GABRA3: variants seen among roughly 807,000 people sequenced by gnomAD.
The protein encoded by GABRA3 is gamma-aminobutyric acid type A receptor subunit alpha3.
Under a neutral mutation model 30.1 loss-of-function variants are expected in GABRA3, and 10 were observed. That is an observed-to-expected ratio of 0.33 (90% confidence interval 0.20 to 0.56). The LOEUF (loss-of-function observed/expected upper bound fraction) is 0.56, where lower values mean the gene tolerates loss of function less well. GABRA3 is among the 20% of genes least tolerant of loss of function. GABRA3 has a pLI of 0.89. For synonymous variants in GABRA3, 151 were observed against 146.8 expected (o/e 1.03, Z -0.21); for missense variants, 233 against 392.0 (o/e 0.59, Z 3.42).
At chrX:152,385,995 G>A (rs1929297215) in intron 1 of GABRA3, among the ~76,000 whole-genome samples, 1 of 110,093 alleles carries the variant, frequency 9.1e-6, no homozygotes, top group African/African-American at 3.3e-5. Context: ...GGTTACTGTA[G>A]CCTTGTAGTA....
intron 8 of GABRA3, among the ~76,000 whole-genome samples, chrX:152,190,871 A>AAT (rs59438630): frequency 0.063 from 6,637 of 104,962 alleles, 243 homozygotes; most frequent in Admixed American, 0.17. Context: ...TATGCATGTG[A>AAT]ATATATATAT....
intron 8 of GABRA3, among the ~76,000 whole-genome samples, chrX:152,191,904 G>C (rs1290116448): frequency 9.0e-6 from 1 of 111,644 alleles, no homozygotes; most frequent in Non-Finnish European, 1.9e-5. Context: ...CAAACTCTCT[G>C]AATCTGTAAC....
chrX:152,274,198 C>CA (rs768920024), intron 4 of GABRA3, among the ~76,000 whole-genome samples: 11 of 111,349 alleles, frequency 9.9e-5, no homozygotes, highest in African/African-American at 3.6e-4. Flanking sequence ...ATATCTACTG[C>CA]AAAAAATTGA....
rs749221449 is a variant in GABRA3, at chrX:152,439,954, T to C, written c.-27+11192A>G. On this transcript the variant is annotated intron_variant, in intron 1 of 9. Coordinates refer to ENST00000370314, the MANE Select transcript of GABRA3 (RefSeq NM_000808.4). ...AACCTAGGCAATACCATTCAGAACA[T>C]AGGCATGGGCAAAGACTTCATGTCT... Among the ~76,000 whole-genome samples, 4 of 111,514 alleles carry C rather than the reference T, an allele frequency of 3.6e-5. No individual in the cohort carries two copies. In the South Asian group the frequency reaches 1.5e-3, roughly 42 times the overall value.
chrX:152,431,397 G>A (rs28868684), intron 1 of GABRA3, among the ~76,000 whole-genome samples: 11,840 of 112,096 alleles, frequency 0.11, 589 homozygotes, highest in Non-Finnish European at 0.15. Context: ...CTGGAAGAGA[G>A]TTTGAGCTTG....
At chrX:152,222,539 T>C (rs767145680) in intron 6 of GABRA3, among the ~76,000 whole-genome samples, 14 of 109,137 alleles carry the variant, frequency 1.3e-4, no homozygotes. Context: ...CACCTGTAGG[T>C]CTGTTTATAT....
chrX:152,446,177 T>C (rs1931081649), intron 1 of GABRA3, among the ~76,000 whole-genome samples: 1 of 112,072 alleles, frequency 8.9e-6, no homozygotes, highest in Non-Finnish European at 1.9e-5. Flanking sequence ...GGAAGGACTG[T>C]TATAAACCAG....
chrX:152,429,692 G>A (rs912025498), intron 1 of GABRA3, among the ~76,000 whole-genome samples: 10 of 111,430 alleles, frequency 9.0e-5, no homozygotes, highest in Non-Finnish European at 1.9e-4. Context: ...CATCAATCTG[G>A]CAACCACAAC....
At chrX:152,206,992 G>C (rs1937554656) in intron 7 of GABRA3, among the ~76,000 whole-genome samples, 1 of 110,577 alleles carries the variant, frequency 9.0e-6, no homozygotes, top group Non-Finnish European at 1.9e-5. Context: ...CTGGACTTTC[G>C]ACATCTCAGT....
intron 5 of GABRA3, among the ~76,000 whole-genome samples, chrX:152,232,193 C>T (rs1310367458): frequency 1.8e-5 from 2 of 111,003 alleles, no homozygotes; most frequent in Non-Finnish European, 3.8e-5. Context: ...TCAATATCAG[C>T]CTTATAGCAC....
intron 8 of GABRA3, among the ~76,000 whole-genome samples, chrX:152,193,558 A>G (rs767983456): frequency 1.8e-5 from 2 of 112,557 alleles, no homozygotes; most frequent in South Asian, 7.3e-4. Context: ...AAAGAATGGA[A>G]CTACAAGATT....
chrX:152,208,137 A>G lies in GABRA3; in HGVS notation c.642T>C (p.Tyr214=), dbSNP rs373415702. Residue 214 remains tyrosine, a synonymous_variant, in exon 7 of 10, where the codon TAT becomes TAC. Coordinates refer to ENST00000370314, the MANE Select transcript of GABRA3 (RefSeq NM_000808.4). ...AAGAATAAACCACTTCAGCTGTTGT[A>G]TAGGCATCTAAGGCAGAGAAGGGTC... ...ACPLKFGSYA[Y]TTAEVVYSWT... is the part of the protein sequence containing the mutation. 6 of 1,208,509 alleles carry G rather than the reference A, an allele frequency of 5.0e-6. No individual in the cohort carries two copies. The African/African-American group carries it at 1.0e-4, about 21-fold the overall frequency.
At chrX:152,429,115 T>C (rs1019334569) in intron 1 of GABRA3, among the ~76,000 whole-genome samples, 6 of 111,328 alleles carry the variant, frequency 5.4e-5, no homozygotes, top group African/African-American at 2.0e-4. Flanking sequence ...TGAGTCCCCA[T>C]AGGTGAGTGA....
At chrX:152,364,750 C>A (rs1394304025) in intron 1 of GABRA3, among the ~76,000 whole-genome samples, 154 bp from the exon 2 acceptor site, 1 of 111,288 alleles carries the variant, frequency 9.0e-6, no homozygotes, top group African/African-American at 3.3e-5. Context: ...GTGCTTAATT[C>A]AACAGTCCCC....
rs199722341 is a variant in GABRA3 at position 152,168,022 on chromosome X, G to T, written c.*206C>A. ...AAATGGCAGTGTTTGGCTTTGATGG[G>T]GTTATACTGGGCAATATTGGAGGGA... is the stretch of plus-strand genomic sequence containing the variant. On this transcript the variant is annotated 3_prime_UTR_variant, in exon 10 of 10. Coordinates refer to ENST00000370314, the MANE Select transcript of GABRA3 (RefSeq NM_000808.4). 22 of 434,568 alleles carry T rather than the reference G, an allele frequency of 5.1e-5. No individual in the cohort carries two copies. The highest frequency in any genetic ancestry group is 8.0e-6 in the Non-Finnish European group (2 of 250,549). 35.8% of individuals were successfully genotyped at this position (434,568 alleles called of 1,213,427 possible).
chrX:152,358,229 G>A (rs1940581447), intron 2 of GABRA3, among the ~76,000 whole-genome samples: 1 of 110,708 alleles, frequency 9.0e-6, no homozygotes, highest in Non-Finnish European at 1.9e-5. Context: ...TGATTTCTTT[G>A]AGCAGTGTGT....
chrX:152,440,946 G>A (rs981192439), intron 1 of GABRA3, among the ~76,000 whole-genome samples: 2 of 108,827 alleles, frequency 1.8e-5, no homozygotes, highest in African/African-American at 3.4e-5. Context: ...AAACCACCAT[G>A]GCACATGTAT....
chrX:152,227,383 G>C (rs55880311), intron 5 of GABRA3, among the ~76,000 whole-genome samples: 1,370 of 66,844 alleles, frequency 0.02, 24 homozygotes, highest in Middle Eastern at 0.051. Context: ...GGACTGTTGT[G>C]GGGTGGGGGG....
chrX:152,258,057 C>T (rs1433560429), intron 4 of GABRA3, among the ~76,000 whole-genome samples: 4 of 111,190 alleles, frequency 3.6e-5, no homozygotes, highest in Non-Finnish European at 5.7e-5. Flanking sequence ...GACAAAACAC[C>T]TAAGGAAATG....
Sources: allele counts gnomAD v4.1 joint callset (sites outside exome capture counted in the v4.1 genomes callset), GRCh38; gene constraint gnomAD v4.1.1; transcripts MANE v1.5; gene names NCBI Gene and HGNC (gene_info 2026-07-23, HGNC 2026-07-21).